CSNK1E: variants seen among roughly 807,000 people sequenced by gnomAD.
CSNK1E encodes the protein casein kinase 1 epsilon.
Under a neutral mutation model 46.1 loss-of-function variants are expected in CSNK1E, and 17 were observed. The ratio of observed to expected loss-of-function variants is 0.37; its 90% CI spans 0.25 to 0.55. CSNK1E has a LOEUF of 0.55. CSNK1E is among the 20% of genes least tolerant of loss of function. CSNK1E has a pLI of 0.82. For synonymous variants in CSNK1E, 241 were observed against 242.6 expected (o/e 0.99, Z 0.06); for missense variants, 386 against 595.4 (o/e 0.65, Z 3.66).
intron 6 of CSNK1E, 59 bp downstream of exon 6, chr22:38,299,836 T>A: frequency 6.4e-7 from 1 of 1,572,194 alleles, no homozygotes; most frequent in East Asian, 2.3e-5. Context: ...GGCCTCACCT[T>A]TCCCTTAGAC....
At chr22:38,317,621 C>T (rs899471631), upstream of CSNK1E, among the ~76,000 whole-genome samples, 2 of 151,880 alleles carry the variant, frequency 1.3e-5, no homozygotes, top group Admixed American at 6.6e-5. Context: ...TGGGGGAGCA[C>T]ACAGATACTG....
intron 7 of CSNK1E, among the ~76,000 whole-genome samples, chr22:38,295,049 G>A (rs1224537958): frequency 6.6e-6 from 1 of 152,178 alleles, no homozygotes; most frequent in Non-Finnish European, 1.5e-5. Context: ...CAGCTCTCCC[G>A]GTACCTAGCC....
At chr22:38,296,217 G>A (rs1258069362) in intron 7 of CSNK1E, 2 of 1,058,128 alleles carry the variant, frequency 1.9e-6, no homozygotes, top group Middle Eastern at 4.4e-4. Context: ...AGCTCTCTTG[G>A]CCTTTATTGC....
Position 38,294,226 on chromosome 22 carries a change from G to A in CSNK1E, c.1101C>T (p.Ile367=), listed in dbSNP as rs1602539597. 6.2e-7 allele frequency: 1 copy of A among 1,612,664 alleles called. No homozygotes were observed. The highest frequency in any genetic ancestry group is 8.5e-7 in the Non-Finnish European group (1 of 1,179,966). The stretch of plus-strand genomic sequence containing the variant: ...CCTTCCTCTCCCGGTCGACCCGCGA[G>A]ATCGCTCTGGGAGAAGTATTGCCTG... The part of the protein sequence containing the change: ...QPAGNTSPRA[I]SRVDRERKVS... Residue 367 remains isoleucine (I), a synonymous_variant, in exon 9 of 11, where the codon ATC becomes ATT. Transcript: ENST00000396832. The surrounding 1 kb of genome is among the most constrained non-coding windows in gnomAD (Gnocchi z 5.5).
chr22:38,314,913 G>A (rs1175204483), intron 1 of CSNK1E, among the ~76,000 whole-genome samples: 1 of 152,208 alleles, frequency 6.6e-6, no homozygotes, highest in Non-Finnish European at 1.5e-5. Context: ...CTCTGCTCTG[G>A]CCTGGGGCAA....
chr22:38,293,133 C>G lies in CSNK1E; in HGVS notation c.*32+122G>C, dbSNP rs542489995. On this transcript the variant is annotated intron_variant, in intron 10 of 10. Coordinates refer to ENST00000396832, the MANE Select transcript of CSNK1E (RefSeq NM_152221.3). Reference sequence around the variant, plus strand: ...TGAGGCCCCTTAGAGTTCTGGGGCGCCTGGTACCATCTGCCACTGCCACTG... The same window carrying G: ...TGAGGCCCCTTAGAGTTCTGGGGCGGCTGGTACCATCTGCCACTGCCACTG... 21 of 813,262 alleles carry G rather than the reference C, an allele frequency of 2.6e-5. No individual in the cohort carries two copies. In the South Asian group the frequency reaches 2.9e-4, roughly 11 times the overall value. 50.4% of individuals were successfully genotyped at this position (813,262 alleles called of 1,614,324 possible).
At chr22:38,301,761 T>C (rs529361390) in intron 4 of CSNK1E, among the ~76,000 whole-genome samples, 1 of 152,060 alleles carries the variant, frequency 6.6e-6, no homozygotes, top group African/African-American at 2.4e-5. Flanking sequence ...CTAATATCCA[T>C]CCACATGCCG....
chr22:38,294,449 G>A lies in CSNK1E; in HGVS notation c.971C>T (p.Ala324Val), dbSNP rs772085558. 1.4e-5 allele frequency: 22 copies of A among 1,574,594 alleles called. No homozygotes were observed. The highest frequency in any genetic ancestry group is 1.3e-4 in the Admixed American group (7 of 55,270). The change falls in exon 8 of 11, where the codon GCG becomes GTG. Residue 324 changes from alanine (A) to valine (V), a missense_variant. Physicochemically the swap from Ala to Val is moderately conservative, Grantham distance 64. This residue lies in a region of CSNK1E where 174 missense variants were observed against 185.2 expected (regional missense o/e 0.94). Coordinates refer to ENST00000396832, the MANE Select transcript of CSNK1E (RefSeq NM_152221.3). The surrounding 1 kb of genome is among the most constrained non-coding windows in gnomAD (Gnocchi z 5.5). ...TGGGCCAGGGGGCAGGGCTCGGGTCGCGGACCCCCGTAGCTGCCCCATCCT... is the reference window on the plus strand; with the variant it reads ...TGGGCCAGGGGGCAGGGCTCGGGTCACGGACCCCCGTAGCTGCCCCATCCT... Reference protein sequence around the residue: ...EERMGQLRGSATRALPPGPPT... With the variant: ...EERMGQLRGSVTRALPPGPPT...
chr22:38,310,228 G>A (rs1253582787), intron 2 of CSNK1E, among the ~76,000 whole-genome samples: 1 of 152,186 alleles, frequency 6.6e-6, no homozygotes, highest in African/African-American at 2.4e-5. Context: ...CCGATTTCAG[G>A]AACAGAAGAT....
intron 7 of CSNK1E, chr22:38,296,595 T>A: frequency 6.2e-7 from 1 of 1,612,838 alleles, no homozygotes; most frequent in Non-Finnish European, 8.5e-7. Flanking sequence ...TGTGGGTGCC[T>A]CTGCCCAGCT....
intron 2 of CSNK1E, among the ~76,000 whole-genome samples, chr22:38,312,104 T>C (rs540363533): frequency 2.0e-5 from 3 of 151,886 alleles, no homozygotes; most frequent in Non-Finnish European, 2.9e-5. Context: ...TCTCCTGGCC[T>C]CCTTTTTTTT....
At chr22:38,314,056 C>T (rs2092732724) in intron 2 of CSNK1E, 26 bp downstream of exon 2, 1 of 1,600,068 alleles carries the variant, frequency 6.2e-7, no homozygotes, top group Non-Finnish European at 8.6e-7. Flanking sequence ...GCCCCAGGGG[C>T]TCCAGCTGGA....
intron 2 of CSNK1E, among the ~76,000 whole-genome samples, chr22:38,308,658 A>C (rs2092708653): frequency 6.6e-6 from 1 of 152,052 alleles, no homozygotes; most frequent in Non-Finnish European, 1.5e-5. Flanking sequence ...CTTGGTGGGA[A>C]GTGCAGCCCC....
intron 2 of CSNK1E, among the ~76,000 whole-genome samples, chr22:38,305,378 T>C (rs565814247): frequency 6.6e-6 from 1 of 150,472 alleles, no homozygotes; most frequent in Non-Finnish European, 1.5e-5. Context: ...CTTATAGCCT[T>C]GGGGTTAGGC....
At chr22:38,312,265 T>A (rs963558637) in intron 2 of CSNK1E, among the ~76,000 whole-genome samples, 6 of 152,196 alleles carry the variant, frequency 3.9e-5, no homozygotes, top group Middle Eastern at 3.2e-3. Context: ...CTTTTTATAT[T>A]TTTCTTGTAG....
rs201701094 is a variant in CSNK1E, at chr22:38,298,879, G to A, written c.792C>T (p.Pro264=). The stretch of plus-strand genomic sequence containing the variant: ...AGAGCTGACGTAGGTAAGAGTAGTC[G>A]GGCTTGTCGTCAAACCGCAGGGAGC... The part of the protein sequence containing the change: ...FCRSLRFDDK[P]DYSYLRQLFR... The change falls in exon 7 of 11, where the codon CCC becomes CCT. Residue 264 remains proline, a synonymous_variant. Coordinates refer to ENST00000396832, the MANE Select transcript of CSNK1E (RefSeq NM_152221.3). This position sits in a 1 kb window ranked among gnomAD's most constrained non-coding sequence, Gnocchi z 4.2. 49 of 1,614,180 alleles carry A rather than the reference G, an allele frequency of 3.0e-5. 1 individual carries two copies. The Admixed American group carries it at 3.7e-4, about 12-fold the overall frequency.
In CSNK1E at chr22:38,292,929, G is replaced by A. The variant is rs983959265; in HGVS notation, c.*32+326C>T. The A allele has an allele frequency of 2.7e-5, 10 of 371,726 alleles. No homozygotes were observed. The Admixed American group carries it at 3.4e-4, about 12-fold the overall frequency. The allele number at this position is 371,726 out of a possible 1,614,324, so 23.0% of individuals were successfully genotyped here. A position where few individuals can be genotyped will look rare whatever the true frequency, so the allele number is the denominator to read the frequency against. On this transcript the variant is annotated intron_variant, in intron 10 of 10. Transcript: ENST00000396832. ...TGCCGTGGGAGAGGTCAGAGTGTGA[G>A]CCCATGGCCCCGTCTCTGCTGGGAA...
In CSNK1E at chr22:38,294,092, G is replaced by T. The variant is rs1207062712; in HGVS notation, c.1218+17C>A. On this transcript the variant is annotated intron_variant, in intron 9 of 10. Coordinates refer to ENST00000396832, the MANE Select transcript of CSNK1E (RefSeq NM_152221.3). This position sits in a 1 kb window ranked among gnomAD's most constrained non-coding sequence, Gnocchi z 5.5. ...TCAGTTCTGAGGCCCAGAGGGACTG[G>T]CAGGGGGGCAGCTCACCTGTGAGGC... 6.2e-7 allele frequency: 1 copy of T among 1,606,104 alleles called. No homozygotes were observed. Among genetic ancestry groups the T allele is most frequent in the Admixed American group, 1.7e-5 (1 of 59,770 alleles).
chr22:38,300,602 G>C lies in CSNK1E; in HGVS notation c.565+122C>G. The C allele has an allele frequency of 2.2e-6, 2 of 927,594 alleles. No individual in the cohort carries two copies. Among genetic ancestry groups the C allele is most frequent in the South Asian group, 3.2e-5 (2 of 61,566 alleles). The allele number at this position is 927,594 out of a possible 1,614,324, so 57.5% of individuals were successfully genotyped here. A position where few individuals can be genotyped will look rare whatever the true frequency, so the allele number is the denominator to read the frequency against. The stretch of plus-strand genomic sequence containing the variant: ...ACGAGCTTGGGGGCAGACGGGGTGG[G>C]GACTTTCTCACTAGAAAAGAGCCTG... On this transcript the variant is annotated intron_variant, in intron 5 of 10. Transcript: ENST00000396832. The surrounding 1 kb of genome is among the most constrained non-coding windows in gnomAD (Gnocchi z 4.4).
Sources: allele counts gnomAD v4.1 joint callset (sites outside exome capture counted in the v4.1 genomes callset), GRCh38; gene constraint gnomAD v4.1.1; regional missense constraint gnomAD v4.1.1; non-coding constraint Gnocchi (gnomAD v3.1); transcripts MANE v1.5; gene names NCBI Gene and HGNC (gene_info 2026-07-23, HGNC 2026-07-21).